Variants in CNTN5 observed in about 807,000 individuals in gnomAD.
The protein encoded by CNTN5 is contactin 5, also known as contactin-5.
Under a neutral mutation model 129.1 loss-of-function variants are expected in CNTN5, and 77 were observed. The ratio of observed to expected loss-of-function variants is 0.60; its 90% CI spans 0.50 to 0.72. The LOEUF (loss-of-function observed/expected upper bound fraction) is 0.72, where lower values mean the gene tolerates loss of function less well. CNTN5 is among the 30% of genes least tolerant of loss of function. The probability of loss-of-function intolerance (pLI) is 0.00; values close to 1 mark genes in which losing one functional copy is unlikely to be tolerated. For missense variants in CNTN5, 1,478 were observed against 1,328.8 expected (o/e 1.11, Z -1.75); for synonymous variants, 509 against 465.6 (o/e 1.09, Z -1.20).
At chr11:99,883,568 C>G (rs1006438361) in intron 6 of CNTN5, among the ~76,000 whole-genome samples, 1 of 152,146 alleles carries the variant, frequency 6.6e-6, no homozygotes, top group African/African-American at 2.4e-5. Context: ...ATGGTGTTTA[C>G]TGGCAGAAAG....
At chr11:99,195,386 T>C (rs1240564195) in intron 1 of CNTN5, among the ~76,000 whole-genome samples, 2 of 152,140 alleles carry the variant, frequency 1.3e-5, no homozygotes, top group Non-Finnish European at 2.9e-5. Context: ...TGAAATGCTA[T>C]ACATGGTTTA....
intron 3 of CNTN5, among the ~76,000 whole-genome samples, chr11:99,727,312 C>CAAAAA (rs397936738): frequency 0.017 from 411 of 24,298 alleles, 57 homozygotes; most frequent in African/African-American, 0.054. Context: ...GACTCCGTCT[C>CAAAAA]AAAAAAAAAA....
At chr11:100,255,646 C>A in intron 16 of CNTN5, 114 bp from the exon 17 acceptor site, 1 of 879,160 alleles carries the variant, frequency 1.1e-6, no homozygotes, top group Non-Finnish European at 1.7e-6. Context: ...TTACTAAATT[C>A]ATATTTCATT....
chr11:99,968,195 A>C (rs141614805), intron 8 of CNTN5, among the ~76,000 whole-genome samples: 1 of 152,174 alleles, frequency 6.6e-6, no homozygotes, highest in Non-Finnish European at 1.5e-5. Context: ...ATAGTGTAGT[A>C]GAGAGATTTC....
At chr11:99,362,525 TG>T (rs1362076384) in intron 2 of CNTN5, among the ~76,000 whole-genome samples, 1 of 151,960 alleles carries the variant, frequency 6.6e-6, no homozygotes, top group African/African-American at 2.4e-5. Flanking sequence ...GTCTATGCTT[TG>T]GGTATCATAT....
In CNTN5 at chr11:99,656,426, A is replaced by G. The variant is rs1031865472; in HGVS notation, c.55+100157A>G. Among the ~76,000 whole-genome samples, 6 of 152,266 alleles carry G rather than the reference A, an allele frequency of 3.9e-5. 1 individual carries two copies. ...TTCTCCTGTCCAAAAACTTAAGTTC[A>G]TAGAAATGATGATGCAAAGCGCCAG... On this transcript the variant is annotated intron_variant, in intron 3 of 24. Transcript: ENST00000524871.
chr11:99,439,852 A>G (rs2135143173), intron 2 of CNTN5, among the ~76,000 whole-genome samples: 1 of 152,276 alleles, frequency 6.6e-6, no homozygotes, highest in South Asian at 2.1e-4. Flanking sequence ...CAATTTATGC[A>G]ATGAAATACA....
intron 16 of CNTN5, among the ~76,000 whole-genome samples, chr11:100,252,326 G>C (rs1215242700): frequency 6.6e-6 from 1 of 151,992 alleles, no homozygotes; most frequent in Non-Finnish European, 1.5e-5. Flanking sequence ...CCCCTTTCAC[G>C]TGAATAGTCT....
intron 6 of CNTN5, among the ~76,000 whole-genome samples, chr11:99,850,647 C>T (rs186250941): frequency 4.6e-5 from 7 of 151,876 alleles, no homozygotes; most frequent in African/African-American, 1.7e-4. Flanking sequence ...AAGATATATG[C>T]TCAAGATACA....
In CNTN5 at chr11:99,650,525, C is replaced by G. The variant is rs1276802047; in HGVS notation, c.55+94256C>G. 2.6e-5 allele frequency among the ~76,000 whole-genome samples: 4 copies of G among 151,800 alleles called. No individual in the cohort carries two copies. In the East Asian group the frequency reaches 7.7e-4, roughly 29 times the overall value. Reference sequence around the variant, plus strand: ...AGAACATTACTGATTTTTTTTAAAACATAGATGTTACATAAACTACTTTCA... The same window carrying G: ...AGAACATTACTGATTTTTTTTAAAAGATAGATGTTACATAAACTACTTTCA... On this transcript the variant is annotated intron_variant, in intron 3 of 24. Transcript: ENST00000524871.
intron 24 of CNTN5, among the ~76,000 whole-genome samples, chr11:100,354,223 A>C (rs1952477704): frequency 6.6e-6 from 1 of 151,668 alleles, no homozygotes; most frequent in Non-Finnish European, 1.5e-5. Context: ...GACATACAAT[A>C]ATCATTTATT....
intron 13 of CNTN5, among the ~76,000 whole-genome samples, chr11:100,139,044 A>G (rs1381953174): frequency 6.6e-6 from 1 of 152,120 alleles, no homozygotes; most frequent in Non-Finnish European, 1.5e-5. Flanking sequence ...TGAAACAACT[A>G]AAAGAATAAA....
At chr11:99,836,187 G>A (rs1209063876) in intron 4 of CNTN5, among the ~76,000 whole-genome samples, 40 of 147,712 alleles carry the variant, frequency 2.7e-4, no homozygotes, top group Admixed American at 1.7e-3. Flanking sequence ...GTACATGTGC[G>A]CAACGTGCAG....
At chr11:99,861,569 A>G (rs970019199) in intron 6 of CNTN5, among the ~76,000 whole-genome samples, 4 of 152,178 alleles carry the variant, frequency 2.6e-5, no homozygotes, top group Non-Finnish European at 5.9e-5. Flanking sequence ...TGGTTTTATT[A>G]TGTGTAGGTA....
chr11:99,074,449 C>T (rs1865477839), intron 1 of CNTN5, among the ~76,000 whole-genome samples: 1 of 152,084 alleles, frequency 6.6e-6, no homozygotes, highest in African/African-American at 2.4e-5. Flanking sequence ...TAGAAGAAAA[C>T]CTTGGCAATA....
chr11:99,143,873 T>A (rs1859654192), intron 1 of CNTN5, among the ~76,000 whole-genome samples: 1 of 151,996 alleles, frequency 6.6e-6, no homozygotes, highest in Non-Finnish European at 1.5e-5. Context: ...AAGAGGAGGG[T>A]GGGAATTACA....
intron 7 of CNTN5, among the ~76,000 whole-genome samples, chr11:99,944,087 T>C (rs1950504422): frequency 6.6e-6 from 1 of 151,820 alleles, no homozygotes; most frequent in African/African-American, 2.4e-5. Context: ...AAGTCAATGA[T>C]AGCTTGATGG....
chr11:99,676,581 G>A (rs1002785263), intron 3 of CNTN5, among the ~76,000 whole-genome samples: 20 of 152,090 alleles, frequency 1.3e-4, no homozygotes, highest in Non-Finnish European at 2.5e-4. Context: ...TTTATATACT[G>A]CAGACTTTGA....
intron 4 of CNTN5, among the ~76,000 whole-genome samples, chr11:99,835,527 G>A (rs1022249795): frequency 5.9e-5 from 9 of 152,134 alleles, no homozygotes; most frequent in Non-Finnish European, 1.3e-4. Context: ...TTAATTACAT[G>A]AGTCTATAGT....
Sources: allele counts gnomAD v4.1 joint callset (sites outside exome capture counted in the v4.1 genomes callset), GRCh38; gene constraint gnomAD v4.1.1; transcripts MANE v1.5; gene names NCBI Gene and HGNC (gene_info 2026-07-23, HGNC 2026-07-21).